NPC2: variants seen among roughly 807,000 people sequenced by gnomAD.
NPC2 encodes NPC intracellular cholesterol transporter 2, also known as Niemann-Pick disease type C2 protein.
NPC2 carries 14 observed loss-of-function variants against 17.0 expected under a neutral mutation model. The observed-to-expected ratio is 0.82, with a 90% CI of 0.54 to 1.29. The LOEUF (loss-of-function observed/expected upper bound fraction) is 1.29, where lower values mean the gene tolerates loss of function less well. NPC2 is among the 50% of genes most tolerant of loss of function. The pLI is 0.00. For missense variants in NPC2, 167 were observed against 183.4 expected (o/e 0.91, Z 0.52); for synonymous variants, 75 against 69.3 (o/e 1.08, Z -0.41).
intron 1 of NPC2, among the ~76,000 whole-genome samples, chr14:74,487,357 G>A (rs1439248758): frequency 3.4e-5 from 5 of 147,204 alleles, no homozygotes; most frequent in Non-Finnish European, 5.9e-5. Flanking sequence ...AGCCTCAACC[G>A]TCCCAGGCTC....
chr14:74,483,343 G>A, intron 3 of NPC2: 1 of 1,366,800 alleles, frequency 7.3e-7, no homozygotes, highest in Non-Finnish European at 1.0e-6. Context: ...GCAAAGAACA[G>A]GGCCAGAATT....
At chr14:74,487,095 C>T (rs1203071184) in intron 1 of NPC2, among the ~76,000 whole-genome samples, 2 of 151,742 alleles carry the variant, frequency 1.3e-5, no homozygotes, top group Admixed American at 6.6e-5. Context: ...GGACTACAGG[C>T]GAGTGCCATC....
At chr14:74,493,499 G>T, upstream of NPC2, 1 of 951,386 alleles carries the variant, frequency 1.1e-6, no homozygotes, top group Non-Finnish European at 1.5e-6. This position sits in a 1 kb window ranked among gnomAD's most constrained non-coding sequence, Gnocchi z 4.1. Flanking sequence ...TCAGAGGCCT[G>T]ACCCGCCCGG....
chr14:74,487,327 G>A (rs937984340), intron 1 of NPC2, among the ~76,000 whole-genome samples: 1 of 146,046 alleles, frequency 6.8e-6, no homozygotes, highest in Non-Finnish European at 1.5e-5. Context: ...AGATGCAATG[G>A]CACAATCTCA....
Position 74,483,087 on chromosome 14 carries a change from C to G in NPC2, c.363+1328G>C. On this transcript the variant is annotated intron_variant, in intron 3 of 4. Coordinates refer to ENST00000555619, the MANE Select transcript of NPC2 (RefSeq NM_006432.5). Reference sequence around the variant, plus strand: ...ATGACCCAACGATAGAAGATTCCTACAGAAAGCAAGTTGAAGTCAACTGCC... The same window carrying G: ...ATGACCCAACGATAGAAGATTCCTAGAGAAAGCAAGTTGAAGTCAACTGCC... 6 of 1,283,150 alleles carry G rather than the reference C, an allele frequency of 4.7e-6. No individual in the cohort carries two copies. In the South Asian group the frequency reaches 7.1e-5, roughly 15 times the overall value. The allele number at this position is 1,283,150 out of a possible 1,614,324, so 79.5% of individuals were successfully genotyped here. A position where few individuals can be genotyped will look rare whatever the true frequency, so the allele number is the denominator to read the frequency against.
chr14:74,483,280 TC>T (rs1272365351), intron 3 of NPC2: 1 of 1,139,706 alleles, frequency 8.8e-7, no homozygotes, highest in Admixed American at 1.8e-5. Flanking sequence ...CAGAAGATGT[TC>T]CAATGATTTT....
intron 3 of NPC2, chr14:74,483,414 T>C: frequency 2.0e-6 from 3 of 1,499,696 alleles, no homozygotes; most frequent in Non-Finnish European, 2.8e-6. Context: ...AAGGTCAATG[T>C]TAATGAAATA....
intron 2 of NPC2, 52 bp downstream of exon 2, chr14:74,486,277 T>C: frequency 2.1e-6 from 3 of 1,416,644 alleles, no homozygotes; most frequent in East Asian, 2.4e-5. Context: ...CAACACTTGA[T>C]ATTTAGGTTA....
chr14:74,480,362 G>T, intron 4 of NPC2, 74 bp from the exon 5 acceptor site: 1 of 1,323,728 alleles, frequency 7.6e-7, no homozygotes, highest in Non-Finnish European at 1.1e-6. Context: ...ATAACCCTAG[G>T]GCAAGTTATC....
intron 1 of NPC2, among the ~76,000 whole-genome samples, chr14:74,489,666 C>A (rs560728178): frequency 1.1e-4 from 16 of 152,214 alleles, no homozygotes; most frequent in Non-Finnish European, 1.3e-4. Context: ...AATCCCATTT[C>A]CTCCTGCCCC....
chr14:74,480,256 C>T lies in NPC2; in HGVS notation c.*18G>A, dbSNP rs755631778. The T allele has an allele frequency of 6.2e-7, 1 of 1,614,130 alleles. No individual in the cohort carries two copies. The highest frequency in any genetic ancestry group is 8.5e-7 in the Non-Finnish European group (1 of 1,180,032). On this transcript the variant is annotated 3_prime_UTR_variant, in exon 5 of 5. Transcript: ENST00000555619. Reference sequence around the variant, plus strand: ...TCAGCAGACTCATTGGCCAGATGCACCGAACTCAATGAGGCACTTAGAGAT... The same window carrying T: ...TCAGCAGACTCATTGGCCAGATGCATCGAACTCAATGAGGCACTTAGAGAT...
chr14:74,484,591 A>T lies in NPC2; in HGVS notation c.191-4T>A. The stretch of plus-strand genomic sequence containing the variant: ...TTGCTGCTTTTAGACTGAATATCTA[A>T]GAGAAAAAAAGAGAATCAGATGGCA... On this transcript the variant is annotated splice_polypyrimidine_tract_variant and splice_region_variant and intron_variant, in intron 2 of 4. Transcript: ENST00000555619. 6.2e-7 allele frequency: 1 copy of T among 1,614,080 alleles called. No individual in the cohort carries two copies. Among genetic ancestry groups the T allele is most frequent in the Non-Finnish European group, 8.5e-7 (1 of 1,180,002 alleles).
In NPC2 at chr14:74,484,773, A is replaced by AC. The variant is rs377081916; in HGVS notation, c.191-187_191-186insG. Among the ~76,000 whole-genome samples the AC allele has an allele frequency of 0.022, 3,262 of 145,646 alleles. 132 individuals are homozygous for AC. Among genetic ancestry groups the AC allele is most frequent in the African/African-American group, 0.079 (3,013 of 38,048 alleles). On this transcript the variant is annotated intron_variant, in intron 2 of 4. Transcript: ENST00000555619. ...AATTATGCAAAAAAAAAAAAAAAAA[A>AC]AAAAACAATCAGCAGAAGTTTTCTT... is the stretch of plus-strand genomic sequence containing the variant.
chr14:74,484,285 T>C, intron 3 of NPC2, 130 bp downstream of exon 3: 1 of 974,584 alleles, frequency 1.0e-6, no homozygotes, highest in Non-Finnish European at 1.6e-6. Context: ...CCTATCTCCT[T>C]TCCCTCGGGC....
intron 1 of NPC2, among the ~76,000 whole-genome samples, chr14:74,492,142 T>G (rs548255069): frequency 1.3e-5 from 2 of 152,230 alleles, no homozygotes; most frequent in African/African-American, 4.8e-5. Context: ...CACTCCCCAC[T>G]TTCCAAGCCC....
chr14:74,489,489 C>G (rs118079783), intron 1 of NPC2, among the ~76,000 whole-genome samples: 2 of 152,274 alleles, frequency 1.3e-5, no homozygotes, highest in East Asian at 3.9e-4. Flanking sequence ...CACACATCTG[C>G]AATCTACAGA....
At chr14:74,483,243 G>A (rs2086674231) in intron 3 of NPC2, 3 of 974,190 alleles carry the variant, frequency 3.1e-6, no homozygotes, top group Admixed American at 3.8e-5. Flanking sequence ...CAGGACCTGA[G>A]GGAACAGATT....
intron 3 of NPC2, among the ~76,000 whole-genome samples, 160 bp downstream of exon 3, chr14:74,484,255 T>C (rs570881479): frequency 6.6e-6 from 1 of 152,202 alleles, no homozygotes; most frequent in South Asian, 2.1e-4. Flanking sequence ...CTGCCCTACC[T>C]CCTGATGCCT....
Position 74,486,364 on chromosome 14 carries a change from C to A in NPC2, c.155G>T (p.Gly52Val). The A allele has an allele frequency of 6.2e-7, 1 of 1,604,926 alleles. No individual in the cohort carries two copies. The highest frequency in any genetic ancestry group is 1.1e-5 in the South Asian group (1 of 88,836). The change falls in exon 2 of 5, where the codon GGA becomes GTA. Residue 52 changes from glycine to valine, a missense_variant. Coordinates refer to ENST00000555619, the MANE Select transcript of NPC2 (RefSeq NM_006432.5). ...CPTQPCQLSK[G>V]QSYSVNVTFT... ...GGTGACATTGACGCTGTAAGACTGT[C>A]CTTTGCTCAGCTGGCAGGGTTGGGT...
Sources: gnomAD v4.1 joint callset for allele counts (sites outside exome capture counted in the v4.1 genomes callset) on GRCh38, gnomAD v4.1.1 for gene constraint, Gnocchi (gnomAD v3.1) non-coding constraint, MANE v1.5 for transcripts, NCBI Gene and HGNC (gene_info 2026-07-23, HGNC 2026-07-21) for gene names.